IL34: variants seen among roughly 807,000 people sequenced by gnomAD.
The protein encoded by IL34 is interleukin 34.
A neutral mutation model predicts 25.3 loss-of-function variants in IL34; 17 were observed. The ratio of observed to expected loss-of-function variants is 0.67; its 90% CI spans 0.46 to 1.01. The LOEUF (loss-of-function observed/expected upper bound fraction) is 1.01, where lower values mean the gene tolerates loss of function less well. IL34 is among the 50% of genes least tolerant of loss of function. IL34 has a pLI of 0.00. For synonymous variants in IL34, 174 were observed against 140.9 expected (o/e 1.23, Z -1.66); for missense variants, 368 against 312.9 (o/e 1.18, Z -1.33).
upstream of IL34, among the ~76,000 whole-genome samples, chr16:70,641,898 A>T (rs1413882646): frequency 1.3e-5 from 2 of 152,152 alleles, no homozygotes; most frequent in Non-Finnish European, 1.5e-5. Context: ...GACACTAAAA[A>T]TCCTCATTAG....
chr16:70,644,889 GAAGAGGA>G (rs1187601137), upstream of IL34, among the ~76,000 whole-genome samples: 4 of 145,268 alleles, frequency 2.8e-5, no homozygotes, highest in Admixed American at 2.7e-4. Context: ...GAAGGAGGTG[GAAGAGGA>G]AGGAGGAAGA....
chr16:70,659,296 G>T (rs992883427), intron 4 of IL34, among the ~76,000 whole-genome samples: 2 of 152,218 alleles, frequency 1.3e-5, no homozygotes, highest in Non-Finnish European at 2.9e-5. Context: ...CAGGTCAGGG[G>T]GTCCTCACGC....
intron 1 of IL34, among the ~76,000 whole-genome samples, chr16:70,591,872 G>C (rs962802686): frequency 6.6e-6 from 1 of 152,236 alleles, no homozygotes; most frequent in African/African-American, 2.4e-5. Context: ...CTGGGGCTGG[G>C]CTGGGGCCAG....
At chr16:70,636,964 C>T (rs1438863349) in intron 1 of IL34, among the ~76,000 whole-genome samples, 4 of 151,728 alleles carry the variant, frequency 2.6e-5, no homozygotes, top group Non-Finnish European at 5.9e-5. Context: ...ACTGCAAGTT[C>T]CGCCTCCCAG....
intron 1 of IL34, among the ~76,000 whole-genome samples, chr16:70,619,887 G>T (rs1015021023): frequency 6.6e-6 from 1 of 152,186 alleles, no homozygotes. Context: ...CCGGGCTGCC[G>T]GCATTCCTTG....
intron 1 of IL34, among the ~76,000 whole-genome samples, chr16:70,614,222 C>T (rs907979265): frequency 4.6e-5 from 7 of 151,844 alleles, no homozygotes; most frequent in Non-Finnish European, 8.8e-5. Flanking sequence ...CCAGGCCCTA[C>T]CCCAGACTTT....
chr16:70,644,954 AGGAGGAG>A (rs2051886101), upstream of IL34, among the ~76,000 whole-genome samples: 1 of 91,514 alleles, frequency 1.1e-5, no homozygotes, highest in African/African-American at 8.9e-5. Context: ...AAGGAGGAAG[AGGAGGAG>A]GAAGGAGGAA....
chr16:70,582,868 G>T (rs1345862577), intron 1 of IL34, among the ~76,000 whole-genome samples: 2 of 152,164 alleles, frequency 1.3e-5, no homozygotes, highest in Non-Finnish European at 2.9e-5. Context: ...TTGGGAAATG[G>T]CTCCATGCTT....
chr16:70,625,429 G>A lies in IL34; in HGVS notation c.-400-21119G>A, dbSNP rs141855237. Among the ~76,000 whole-genome samples the A allele has an allele frequency of 4.2e-3, 644 of 152,196 alleles. 7 individuals carry two copies. Among genetic ancestry groups the A allele is most frequent in the African/African-American group, 0.015 (609 of 41,556 alleles). On this transcript the variant is annotated intron_variant, in intron 1 of 6. Coordinates refer to the IL34 transcript ENST00000429149. The stretch of plus-strand genomic sequence containing the variant: ...GGGGGTTCTTGCCCCCTAGAAAAGC[G>A]GGACTTGCCGCTAAGGGCGAAGGAG...
At chr16:70,637,321 T>A (rs1447062850) in intron 1 of IL34, among the ~76,000 whole-genome samples, 2 of 152,118 alleles carry the variant, frequency 1.3e-5, no homozygotes, top group East Asian at 3.8e-4. Context: ...TTTTAGGTTT[T>A]ACAATTAATT....
intron 1 of IL34, among the ~76,000 whole-genome samples, chr16:70,628,784 GTCT>G (rs2051453238): frequency 8.2e-6 from 1 of 122,086 alleles, no homozygotes; most frequent in Non-Finnish European, 1.7e-5. Context: ...ATCACACCTG[GTCT>G]TTTTTTTTTT....
At chr16:70,653,149 G>T (rs908360810) in intron 1 of IL34, among the ~76,000 whole-genome samples, 1 of 151,890 alleles carries the variant, frequency 6.6e-6, no homozygotes, top group Non-Finnish European at 1.5e-5. Flanking sequence ...GGAGGTGGAG[G>T]TTACGGTGAG....
At chr16:70,636,682 T>G (rs2051656088) in intron 1 of IL34, among the ~76,000 whole-genome samples, 1 of 151,668 alleles carries the variant, frequency 6.6e-6, no homozygotes, top group African/African-American at 2.4e-5. Context: ...TGTGGGAGGA[T>G]GCCTTGAGCC....
intron 4 of IL34, among the ~76,000 whole-genome samples, chr16:70,657,565 C>G (rs1026169119): frequency 1.3e-5 from 2 of 152,050 alleles, no homozygotes; most frequent in African/African-American, 2.4e-5. Flanking sequence ...AGGCCGAGGT[C>G]AGGAGTTTGA....
In IL34 at chr16:70,660,182, C is replaced by G. The variant is rs749776814; in HGVS notation, c.724C>G (p.Pro242Ala). Reference sequence around the variant, plus strand: ...CAGGGCACAGGGCGAGGGCCTCTTGCCCTGAGCACCCTGGATGGTGACTGC... The same window carrying G: ...CAGGGCACAGGGCGAGGGCCTCTTGGCCTGAGCACCCTGGATGGTGACTGC... ...PVRAQGEGLL[P>A] The change falls in exon 6 of 6, where the codon CCC becomes GCC. Residue 242 changes from proline to alanine, a missense_variant. Coordinates refer to ENST00000288098, the MANE Select transcript of IL34 (RefSeq NM_001393494.1). 21 of 1,573,602 alleles carry G rather than the reference C, an allele frequency of 1.3e-5. No homozygotes were observed. The highest frequency in any genetic ancestry group is 1.6e-5 in the Non-Finnish European group (19 of 1,162,008).
chr16:70,638,873 C>T (rs2051717458), intron 1 of IL34, among the ~76,000 whole-genome samples: 1 of 152,172 alleles, frequency 6.6e-6, no homozygotes, highest in African/African-American at 2.4e-5. Context: ...TGTGCCACCG[C>T]ACCAGCCCAG....
intron 1 of IL34, among the ~76,000 whole-genome samples, chr16:70,616,654 A>G (rs896614639): frequency 2.6e-5 from 4 of 152,180 alleles, no homozygotes; most frequent in Non-Finnish European, 5.9e-5. Context: ...AGTTAAGAGC[A>G]ATGTTTTGCG....
At chr16:70,599,479 C>A (rs1432720427) in intron 1 of IL34, among the ~76,000 whole-genome samples, 1 of 151,706 alleles carries the variant, frequency 6.6e-6, no homozygotes, top group African/African-American at 2.4e-5. Context: ...GCCTCATCCT[C>A]CAAAGTAGCT....
intron 1 of IL34, among the ~76,000 whole-genome samples, chr16:70,588,591 G>T (rs2151805119): frequency 6.6e-6 from 1 of 152,156 alleles, no homozygotes; most frequent in South Asian, 2.1e-4. Context: ...GTCTCAAAGA[G>T]ATATTTGCCC....
Sources: gnomAD v4.1 joint callset for allele counts (sites outside exome capture counted in the v4.1 genomes callset) on GRCh38, gnomAD v4.1.1 for gene constraint, MANE v1.5 for transcripts, NCBI Gene and HGNC (gene_info 2026-07-23, HGNC 2026-07-21) for gene names.